METTL15: variants seen among roughly 807,000 people sequenced by gnomAD.
METTL15 encodes 12S rRNA N(4)-cytidine methyltransferase METTL15.
Under a neutral mutation model 38.3 loss-of-function variants are expected in METTL15, and 34 were observed. The observed-to-expected ratio is 0.89, with a 90% CI of 0.68 to 1.18. METTL15 has a LOEUF of 1.18. Among genes scored for constraint, METTL15 ranks in the 50% most tolerant of loss-of-function variants. The pLI, the probability that METTL15 is intolerant of heterozygous loss-of-function variation, is 0.00. For synonymous variants in METTL15, 162 were observed against 170.9 expected, an observed-to-expected ratio of 0.95 and a Z score of 0.41; for missense variants, 438 against 498.4, an observed-to-expected ratio of 0.88 and a Z score of 1.15.
intron 5 of METTL15, among the ~76,000 whole-genome samples, chr11:28,370,029 C>CT (rs1468333969): frequency 6.6e-6 from 1 of 152,124 alleles, no homozygotes; most frequent in Non-Finnish European, 1.5e-5. Context: ...ATCAGTGAAA[C>CT]TGGGATATTC....
intron 6 of METTL15, among the ~76,000 whole-genome samples, chr11:28,441,653 A>G (rs187732860): frequency 2.0e-4 from 30 of 152,304 alleles, no homozygotes; most frequent in African/African-American, 7.0e-4. Flanking sequence ...ATAGATTTTC[A>G]TCTGGGGCCT....
chr11:28,167,291 T>C (rs1378226409), intron 3 of METTL15, among the ~76,000 whole-genome samples: 1 of 152,132 alleles, frequency 6.6e-6, no homozygotes, highest in Admixed American at 6.6e-5. Flanking sequence ...TTGAAGTAGG[T>C]TGGGCAGCTC....
intron 3 of METTL15, among the ~76,000 whole-genome samples, chr11:28,198,193 C>T (rs895391587): frequency 6.6e-6 from 1 of 151,964 alleles, no homozygotes; most frequent in Admixed American, 6.6e-5. Context: ...GGACAGAGAC[C>T]TCTGTGAAAT....
intron 6 of METTL15, among the ~76,000 whole-genome samples, chr11:28,430,060 G>A (rs1385959260): frequency 4.1e-5 from 6 of 146,814 alleles, no homozygotes; most frequent in Admixed American, 1.3e-4. Context: ...CCCCATCTGG[G>A]AGGTGAGGAG....
intron 5 of METTL15, among the ~76,000 whole-genome samples, chr11:28,381,608 T>C (rs1850386442): frequency 6.6e-6 from 1 of 152,152 alleles, no homozygotes; most frequent in Non-Finnish European, 1.5e-5. Context: ...TTGAGCTCAC[T>C]GATTCTTTCC....
chr11:28,392,719 T>C (rs1326644812), intron 5 of METTL15, among the ~76,000 whole-genome samples: 1 of 152,000 alleles, frequency 6.6e-6, no homozygotes, highest in African/African-American at 2.4e-5. Flanking sequence ...AAAGGCAAAC[T>C]ATGTAATGGA....
intron 6 of METTL15, among the ~76,000 whole-genome samples, chr11:28,514,557 C>T (rs1851703512): frequency 6.6e-6 from 1 of 152,202 alleles, no homozygotes; most frequent in African/African-American, 2.4e-5. Context: ...ATTGCTATTA[C>T]TTGCAACTAA....
chr11:28,328,882 T>G (rs1466945730), intron 6 of METTL15, among the ~76,000 whole-genome samples: 1 of 152,098 alleles, frequency 6.6e-6, no homozygotes, highest in Non-Finnish European at 1.5e-5. Flanking sequence ...AGATGTATGA[T>G]TTGCAAATTT....
downstream of METTL15, among the ~76,000 whole-genome samples, chr11:28,335,419 G>C (rs1441264879): frequency 6.6e-6 from 1 of 152,130 alleles, no homozygotes; most frequent in Non-Finnish European, 1.5e-5. Context: ...TTAAGATGTG[G>C]ATATTATTGG....
intron 4 of METTL15, chr11:28,287,234 T>C (rs1202755559): frequency 4.7e-6 from 1 of 213,910 alleles, no homozygotes; most frequent in Non-Finnish European, 9.5e-6. Flanking sequence ...GTATTACATC[T>C]CTAGAAAAAG....
At chr11:28,124,556 C>G (rs549835135) in intron 3 of METTL15, among the ~76,000 whole-genome samples, 1 of 151,912 alleles carries the variant, frequency 6.6e-6, no homozygotes, top group African/African-American at 2.4e-5. Flanking sequence ...CCAACTAGAG[C>G]CATTAAGTGA....
chr11:28,234,050 T>C (rs1250774421), intron 4 of METTL15, among the ~76,000 whole-genome samples: 12 of 150,544 alleles, frequency 8.0e-5, no homozygotes, highest in African/African-American at 2.7e-4. Flanking sequence ...TGAGAATATA[T>C]GGTGTTTGGT....
At chr11:28,308,272 A>G (rs1022327709) in intron 6 of METTL15, among the ~76,000 whole-genome samples, 13 of 152,112 alleles carry the variant, frequency 8.5e-5, no homozygotes, top group Non-Finnish European at 1.5e-4. Context: ...TCCTTCGTGA[A>G]ACAGAATGAG....
At chr11:28,296,521 C>T (rs1321356392) in intron 5 of METTL15, among the ~76,000 whole-genome samples, 1 of 152,088 alleles carries the variant, frequency 6.6e-6, no homozygotes, top group East Asian at 1.9e-4. Context: ...ATTTTGACTT[C>T]CTGCTGCCTT....
intron 4 of METTL15, among the ~76,000 whole-genome samples, chr11:28,213,724 C>T (rs1270887926): frequency 2.0e-5 from 3 of 148,698 alleles, no homozygotes; most frequent in Non-Finnish European, 4.4e-5. Flanking sequence ...GGCGCTATCT[C>T]GGCTCACTGC....
At chr11:28,260,326 C>G (rs556616058) in intron 4 of METTL15, among the ~76,000 whole-genome samples, 2 of 152,172 alleles carry the variant, frequency 1.3e-5, no homozygotes, top group Non-Finnish European at 2.9e-5. Context: ...TTTCTTCATA[C>G]TGCTGCTGAA....
At chr11:28,123,798 T>C (rs1207434998) in intron 3 of METTL15, 1 of 1,225,970 alleles carries the variant, frequency 8.2e-7, no homozygotes, top group East Asian at 2.6e-5. Context: ...GGTTTCTATA[T>C]AATTAAATTT....
chr11:28,134,551 G>T (rs994716504), intron 3 of METTL15: 6 of 398,312 alleles, frequency 1.5e-5, no homozygotes, highest in Non-Finnish European at 2.7e-5. Flanking sequence ...TTCAGCAACT[G>T]CTGTTGCGAA....
At chr11:28,321,857 G>T (rs1433090988) in intron 6 of METTL15, among the ~76,000 whole-genome samples, 2 of 148,908 alleles carry the variant, frequency 1.3e-5, no homozygotes, top group Non-Finnish European at 3.0e-5. Flanking sequence ...AAAAATAGGA[G>T]AAACGCATCA....
Sources: allele counts gnomAD v4.1 joint callset (sites outside exome capture counted in the v4.1 genomes callset), GRCh38; gene constraint gnomAD v4.1.1; transcripts MANE v1.5; gene names NCBI Gene and HGNC (gene_info 2026-07-23, HGNC 2026-07-21).